The following THSD7B variants were observed in gnomAD, a reference collection of about 807,000 sequenced individuals.
THSD7B encodes the protein thrombospondin type-1 domain-containing protein 7B.
Under a neutral mutation model 213.6 loss-of-function variants are expected in THSD7B, and 138 were observed. The observed-to-expected ratio is 0.65, with a 90% CI of 0.56 to 0.74. The LOEUF is 0.74. Ranked by LOEUF, THSD7B falls within the 30% of genes least tolerant of loss-of-function variation. THSD7B has a pLI of 0.00. For missense variants in THSD7B, 1,931 were observed against 1,991.5 expected (o/e 0.97, Z 0.58); for synonymous variants, 742 against 687.0 (o/e 1.08, Z -1.25).
rs773677139 is a variant in THSD7B, at chr2:136,954,740, T to TAAAG, written c.139+72424_139+72425insAAGA. On this transcript the variant is annotated intron_variant, in intron 2 of 27. Transcript: ENST00000409968. ...AAAAAAAAAAAAAAAAAAAAGAAAT[T>TAAAG]ACATAAGAGCTTTTATACTGTTTAT... Among the ~76,000 whole-genome samples, 17 of 137,446 alleles carry TAAAG rather than the reference T, an allele frequency of 1.2e-4. 1 individual carries two copies. The highest frequency in any genetic ancestry group is 4.0e-4 in the African/African-American group (13 of 32,262). 90.2% of individuals were successfully genotyped at this position (137,446 alleles called of 152,430 possible).
At chr2:136,873,039 A>AAAC (rs1233042643) in intron 1 of THSD7B, among the ~76,000 whole-genome samples, 1 of 150,176 alleles carries the variant, frequency 6.7e-6, no homozygotes, top group Non-Finnish European at 1.5e-5. Context: ...AAAAAAAAAA[A>AAAC]AAAAAAGAAG....
chr2:137,657,784 G>T (rs1683265880), intron 24 of THSD7B, among the ~76,000 whole-genome samples: 1 of 152,128 alleles, frequency 6.6e-6, no homozygotes, highest in Admixed American at 6.6e-5. Flanking sequence ...ACACAATTTT[G>T]GCTCACTGCA....
Position 137,397,812 on chromosome 2 carries a change from C to T in THSD7B, c.2501-7801C>T, listed in dbSNP as rs368183233. Among the ~76,000 whole-genome samples the T allele has an allele frequency of 9.6e-5, 14 of 146,256 alleles. No homozygotes were observed. In the South Asian group the frequency reaches 1.6e-3, roughly 16 times the overall value. On this transcript the variant is annotated intron_variant, in intron 12 of 27. Transcript: ENST00000409968. ...ATCACTTTCAGGTACACCAATCAGACGTAGATTTGGTCTTTTCACATAGTC... is the reference window on the plus strand; with the variant it reads ...ATCACTTTCAGGTACACCAATCAGATGTAGATTTGGTCTTTTCACATAGTC...
chr2:137,590,792 G>GTTTTTTTTTTTTTTTGTTT (rs1681847437), intron 17 of THSD7B, among the ~76,000 whole-genome samples: 1 of 88,716 alleles, frequency 1.1e-5, no homozygotes, highest in Non-Finnish European at 2.3e-5. Context: ...CTTTGAAATA[G>GTTTTTTTTTTTTTTTGTTT]TTTTTTTTTT....
chr2:137,523,647 C>T (rs897299994), intron 15 of THSD7B, among the ~76,000 whole-genome samples: 15 of 152,228 alleles, frequency 9.9e-5, no homozygotes, highest in African/African-American at 3.1e-4. Context: ...TTTTCATGCT[C>T]GTAGAACCAA....
rs1688505613 is a variant in THSD7B at position 137,488,042 on chromosome 2, C to T, written c.3138+37019C>T. On this transcript the variant is annotated intron_variant, in intron 15 of 27. Coordinates refer to ENST00000409968, the MANE Select transcript of THSD7B (RefSeq NM_001316349.2). ...CCTCCCAAAGTGCTGGGATTACAGG[C>T]GTGAGCCACCGCGCCCGGCCTATTT... Among the ~76,000 whole-genome samples, 3 of 12,224 alleles carry T rather than the reference C, an allele frequency of 2.5e-4. 1 individual carries two copies. In the Admixed American group the frequency reaches 2.5e-3, roughly 10 times the overall value. 8.0% of individuals were successfully genotyped at this position (12,224 alleles called of 152,430 possible). A position where few individuals can be genotyped will look rare whatever the true frequency, so the allele number is the denominator to read the frequency against.
chr2:136,783,322 A>G (rs996386880), intron 1 of THSD7B, among the ~76,000 whole-genome samples: 1 of 152,148 alleles, frequency 6.6e-6, no homozygotes, highest in Non-Finnish European at 1.5e-5. Flanking sequence ...TTCTTCATGA[A>G]TTATCTATGT....
chr2:137,206,161 G>T (rs530013761), intron 7 of THSD7B, among the ~76,000 whole-genome samples: 1 of 151,882 alleles, frequency 6.6e-6, no homozygotes, highest in South Asian at 2.1e-4. Flanking sequence ...TTAAGCAGCT[G>T]TTGACTGCTG....
At chr2:137,531,154 A>G (rs1268694605) in intron 15 of THSD7B, among the ~76,000 whole-genome samples, 2 of 151,990 alleles carry the variant, frequency 1.3e-5, no homozygotes. Flanking sequence ...TGTATTCTAA[A>G]GCAGTAAAAG....
intron 14 of THSD7B, among the ~76,000 whole-genome samples, chr2:137,437,528 T>C (rs1687320518): frequency 2.0e-5 from 3 of 152,150 alleles, no homozygotes; most frequent in African/African-American, 7.2e-5. Context: ...CTGTTGAGCA[T>C]TGTGAAGTTA....
intron 10 of THSD7B, among the ~76,000 whole-genome samples, chr2:137,267,289 G>C (rs1308289853): frequency 6.6e-6 from 1 of 152,138 alleles, no homozygotes; most frequent in Non-Finnish European, 1.5e-5. Context: ...AATCATGCTT[G>C]AGCAATTGTT....
intron 9 of THSD7B, among the ~76,000 whole-genome samples, chr2:137,240,841 G>T (rs1188597865): frequency 2.0e-5 from 3 of 152,112 alleles, no homozygotes; most frequent in African/African-American, 7.2e-5. Context: ...GACAGTCCCT[G>T]TATTTGCATG....
At chr2:137,155,928 G>A (rs529214376) in intron 5 of THSD7B, 7 of 152,286 alleles carry the variant, frequency 4.6e-5, no homozygotes, top group South Asian at 4.1e-4. Context: ...TTCTATGGAA[G>A]GAAAACCAAG....
intron 15 of THSD7B, among the ~76,000 whole-genome samples, chr2:137,509,281 T>C (rs1679908939): frequency 1.3e-5 from 2 of 150,658 alleles, no homozygotes; most frequent in Non-Finnish European, 3.0e-5. Context: ...TTCCTTCCTT[T>C]CTTCCTTCCC....
chr2:137,509,950 T>G (rs1339785537), intron 15 of THSD7B, among the ~76,000 whole-genome samples: 2 of 152,200 alleles, frequency 1.3e-5, no homozygotes, highest in African/African-American at 4.8e-5. Context: ...TAGTTCTCTT[T>G]TATTTATTGT....
chr2:137,589,643 C>T (rs761073732), intron 17 of THSD7B, among the ~76,000 whole-genome samples: 4 of 152,052 alleles, frequency 2.6e-5, no homozygotes, highest in East Asian at 1.9e-4. Flanking sequence ...TACATTTGCT[C>T]TTGCATATTT....
intron 12 of THSD7B, among the ~76,000 whole-genome samples, chr2:137,371,678 T>A (rs1348402514): frequency 6.6e-6 from 1 of 152,166 alleles, no homozygotes; most frequent in Non-Finnish European, 1.5e-5. Flanking sequence ...TTTCTAATTT[T>A]TTTCTCCTAG....
rs140074233 is a variant in THSD7B at position 136,834,099 on chromosome 2, A to G, written c.-35-48045A>G. Among the ~76,000 whole-genome samples, 157 of 152,304 alleles carry G rather than the reference A, an allele frequency of 1.0e-3. 1 individual carries two copies. The Middle Eastern group carries it at 0.017, about 16-fold the overall frequency. ...ATATATCATGTCAAAATATTGAAAT[A>G]TTTCCATGTTGTTTGGTAAATGACA... On this transcript the variant is annotated intron_variant, in intron 1 of 27. Transcript: ENST00000409968.
intron 2 of THSD7B, among the ~76,000 whole-genome samples, chr2:136,888,198 C>T (rs1683751837): frequency 1.3e-5 from 2 of 152,036 alleles, no homozygotes; most frequent in South Asian, 2.1e-4. Flanking sequence ...ATATGCCAAA[C>T]TCTAGGAAAG....
Sources: allele counts gnomAD v4.1 joint callset (sites outside exome capture counted in the v4.1 genomes callset), GRCh38; gene constraint gnomAD v4.1.1; transcripts MANE v1.5; gene names NCBI Gene and HGNC (gene_info 2026-07-23, HGNC 2026-07-21).